Variants in DISC1 observed in about 807,000 individuals in gnomAD.
DISC1 encodes the protein DISC1 scaffold protein, also known as disrupted in schizophrenia 1 protein.
DISC1 carries 57 observed loss-of-function variants against 84.5 expected under a neutral mutation model. The observed-to-expected ratio is 0.67, with a 90% CI of 0.55 to 0.84. The LOEUF (loss-of-function observed/expected upper bound fraction) is 0.84. Among genes scored for constraint, DISC1 ranks in the 40% least tolerant of loss-of-function variants. DISC1 has a pLI of 0.00. For synonymous variants in DISC1, 411 were observed against 415.2 expected, an observed-to-expected ratio of 0.99 and a Z score of 0.12; for missense variants, 1,000 against 1,057.8, an observed-to-expected ratio of 0.95 and a Z score of 0.76.
rs1466506138 is a variant in DISC1, at chr1:232,031,231, GAGAA to G, written c.2425+4683_2425+4686del. Among the ~76,000 whole-genome samples the G allele has an allele frequency of 2.1e-5, 3 of 139,642 alleles. No homozygotes were observed. The highest frequency in any genetic ancestry group is 5.3e-5 in the African/African-American group (2 of 37,948). 91.6% of individuals were successfully genotyped at this position (139,642 alleles called of 152,430 possible). On this transcript the variant is annotated intron_variant, in intron 12 of 12. Transcript: ENST00000439617. The surrounding 1 kb of genome is among the most constrained non-coding windows in gnomAD (Gnocchi z 4.6). Reference sequence around the variant, plus strand: ...GAAGGAAGGAAGGGAGAAAGAGAGAGAGAAAGAGAGGAAGGAAGGAAGGAGAAAG... The same window carrying G: ...GAAGGAAGGAAGGGAGAAAGAGAGAGAGAGAGGAAGGAAGGAAGGAGAAAG...
intron 9 of DISC1, among the ~76,000 whole-genome samples, chr1:231,871,572 A>G (rs911026209): frequency 5.3e-5 from 8 of 152,198 alleles, no homozygotes; most frequent in African/African-American, 1.9e-4. Flanking sequence ...GTTCAAATAT[A>G]GACAACCCTC....
chr1:231,653,216 A>T (rs1175792482), intron 1 of DISC1, among the ~76,000 whole-genome samples: 1 of 152,246 alleles, frequency 6.6e-6, no homozygotes, highest in African/African-American at 2.4e-5. Context: ...GTTCTAAAGC[A>T]TATATTCTGA....
At chr1:231,647,877 T>C (rs553713295) in intron 1 of DISC1, among the ~76,000 whole-genome samples, 6 of 152,332 alleles carry the variant, frequency 3.9e-5, no homozygotes, top group African/African-American at 1.4e-4. Flanking sequence ...TATTGGTGTA[T>C]AGGAATGCCT....
chr1:231,690,111 T>C (rs985691200), intron 1 of DISC1, among the ~76,000 whole-genome samples: 1 of 152,170 alleles, frequency 6.6e-6, no homozygotes, highest in Non-Finnish European at 1.5e-5. Flanking sequence ...ATTTGGACTG[T>C]GTATAGAGAC....
chr1:231,664,094 A>C (rs2061803913), intron 1 of DISC1, among the ~76,000 whole-genome samples: 1 of 151,280 alleles, frequency 6.6e-6, no homozygotes, highest in South Asian at 2.1e-4. Context: ...ATCTATGTCT[A>C]GCTTGACCAT....
chr1:231,679,895 C>G (rs973821887), intron 1 of DISC1, among the ~76,000 whole-genome samples: 3 of 152,190 alleles, frequency 2.0e-5, no homozygotes, highest in Non-Finnish European at 4.4e-5. Context: ...TTGAATTCAT[C>G]AGACAGAATT....
chr1:231,842,688 A>C (rs951488153), intron 9 of DISC1, among the ~76,000 whole-genome samples: 16 of 152,274 alleles, frequency 1.1e-4, no homozygotes, highest in African/African-American at 3.9e-4. Flanking sequence ...CTTGTGCCAC[A>C]TCAGAGGGAC....
intron 6 of DISC1, among the ~76,000 whole-genome samples, chr1:231,780,307 A>G (rs147969545): frequency 1.3e-5 from 2 of 152,222 alleles, no homozygotes; most frequent in African/African-American, 4.8e-5. Context: ...AAATTGATAA[A>G]TTGTGTGATT....
intron 9 of DISC1, among the ~76,000 whole-genome samples, chr1:231,887,859 G>A (rs2086889805): frequency 6.6e-6 from 1 of 152,160 alleles, no homozygotes; most frequent in Admixed American, 6.5e-5. Context: ...ATTATTCCTT[G>A]TTTTATTCTT....
intron 3 of DISC1, among the ~76,000 whole-genome samples, chr1:231,741,681 T>C (rs966332059): frequency 6.6e-6 from 1 of 152,138 alleles, no homozygotes; most frequent in Non-Finnish European, 1.5e-5. Context: ...GAGGAGATAC[T>C]GGGATCTGAT....
At chr1:231,785,591 G>T (rs373316272) in intron 6 of DISC1, among the ~76,000 whole-genome samples, 1 of 152,182 alleles carries the variant, frequency 6.6e-6, no homozygotes, top group East Asian at 1.9e-4. Flanking sequence ...ACCATACCTG[G>T]CTGTGTGAGT....
chr1:231,919,432 C>T (rs1287224221), intron 9 of DISC1, among the ~76,000 whole-genome samples: 4 of 152,164 alleles, frequency 2.6e-5, no homozygotes, highest in African/African-American at 9.7e-5. Context: ...AATGTCAGGT[C>T]AAATGGGCGT....
At chr1:231,822,359 G>A (rs1156612457) in intron 9 of DISC1, among the ~76,000 whole-genome samples, 1 of 152,160 alleles carries the variant, frequency 6.6e-6, no homozygotes, top group Admixed American at 6.5e-5. Flanking sequence ...GATTCTAAGT[G>A]AGAATACCAA....
chr1:231,758,451 G>A (rs781320570), intron 4 of DISC1, among the ~76,000 whole-genome samples: 3 of 152,032 alleles, frequency 2.0e-5, no homozygotes, highest in South Asian at 2.1e-4. Flanking sequence ...AGAAAAACGC[G>A]TCTCTCATGA....
At chr1:231,979,598 CATAT>C (rs147080360) in intron 10 of DISC1, among the ~76,000 whole-genome samples, 1 of 149,036 alleles carries the variant, frequency 6.7e-6, no homozygotes, top group South Asian at 2.1e-4. Flanking sequence ...AGTATAATGA[CATAT>C]ATATATATAT....
At chr1:231,682,892 A>G (rs971101225) in intron 1 of DISC1, among the ~76,000 whole-genome samples, 18 of 152,242 alleles carry the variant, frequency 1.2e-4, no homozygotes, top group Non-Finnish European at 2.2e-4. Flanking sequence ...TGTATGTCAC[A>G]TGCATGGTTT....
intron 9 of DISC1, among the ~76,000 whole-genome samples, chr1:231,821,496 C>A (rs2081493668): frequency 6.6e-6 from 1 of 152,190 alleles, no homozygotes; most frequent in African/African-American, 2.4e-5. Flanking sequence ...TGCTTTAACT[C>A]CTGTCAGCTG....
chr1:231,852,937 A>G (rs2125904278), intron 9 of DISC1, among the ~76,000 whole-genome samples: 1 of 152,308 alleles, frequency 6.6e-6, no homozygotes, highest in Non-Finnish European at 1.5e-5. Context: ...TCATCTTGTC[A>G]TTTACAAGGG....
chr1:231,673,629 G>C (rs1469554463), intron 1 of DISC1, among the ~76,000 whole-genome samples: 1 of 152,186 alleles, frequency 6.6e-6, no homozygotes, highest in African/African-American at 2.4e-5. Context: ...TCTTTCATTA[G>C]GAGGCTCTAC....
Sources: gnomAD v4.1 joint callset for allele counts (sites outside exome capture counted in the v4.1 genomes callset) on GRCh38, gnomAD v4.1.1 for gene constraint, Gnocchi (gnomAD v3.1) non-coding constraint, MANE v1.5 for transcripts, NCBI Gene and HGNC (gene_info 2026-07-23, HGNC 2026-07-21) for gene names.